EFEMP1: variants seen among roughly 807,000 people sequenced by gnomAD.
EFEMP1 encodes the protein EGF-containing fibulin-like extracellular matrix protein 1.
A neutral mutation model predicts 65.7 loss-of-function variants in EFEMP1; 18 were observed. That is an observed-to-expected ratio of 0.27 (90% CI 0.19 to 0.41). EFEMP1 has a LOEUF of 0.41. EFEMP1 is among the 10% of genes least tolerant of loss of function. The probability of loss-of-function intolerance (pLI) is 1.00; values close to 1 mark genes in which losing one functional copy is unlikely to be tolerated. For missense variants in EFEMP1, 469 were observed against 624.8 expected (o/e 0.75, Z 2.66); for synonymous variants, 237 against 219.7 (o/e 1.08, Z -0.70).
Position 55,917,932 on chromosome 2 carries a change from G to T in EFEMP1, c.250C>A (p.Pro84Thr). The T allele has an allele frequency of 6.2e-7, 1 of 1,614,202 alleles. No individual in the cohort carries two copies. The highest frequency in any genetic ancestry group is 8.5e-7 in the Non-Finnish European group (1 of 1,180,052). The change falls in exon 5 of 12, where the codon CCT becomes ACT. Residue 84 changes from proline (P) to threonine (T), a missense_variant. Pro to Thr is a conservative substitution (Grantham distance 38, BLOSUM62 -1). Transcript: ENST00000355426. The surrounding 1 kb of genome is among the most constrained non-coding windows in gnomAD (Gnocchi z 6.3). ...TCTGCTGGTTGTGTTTCCTGCTGAG[G>T]CTGTTCATTATTGACAATAATCTGG... is the stretch of plus-strand genomic sequence containing the variant. ...TAQIIVNNEQ[P>T]QQETQPAEGT...
chr2:55,897,352 C>T (rs1033130662), intron 5 of EFEMP1, among the ~76,000 whole-genome samples: 3 of 151,472 alleles, frequency 2.0e-5, no homozygotes, highest in African/African-American at 7.3e-5. Context: ...AAAGCAATAT[C>T]AATTTTTCCC....
intron 9 of EFEMP1, 123 bp downstream of exon 9, chr2:55,874,823 A>C: frequency 9.5e-7 from 1 of 1,056,020 alleles, no homozygotes; most frequent in Non-Finnish European, 1.3e-6. Context: ...AGGGGAAAAA[A>C]GAGCTTAAAT....
chr2:55,893,020 T>G lies in EFEMP1; in HGVS notation c.518-11286A>C, dbSNP rs149064475. ...ATTATTTTTTCCCCTAGAAATGTAA[T>G]AATTTGTTTATAGAAACTTTTAAGT... On this transcript the variant is annotated intron_variant, in intron 5 of 11. Transcript: ENST00000355426. Among the ~76,000 whole-genome samples, 52 of 152,296 alleles carry G rather than the reference T, an allele frequency of 3.4e-4. 1 individual carries two copies. In the East Asian group the frequency reaches 5.4e-3, roughly 16 times the overall value.
At chr2:55,909,778 C>T (rs1670413666) in intron 5 of EFEMP1, among the ~76,000 whole-genome samples, 1 of 152,190 alleles carries the variant, frequency 6.6e-6, no homozygotes, top group South Asian at 2.1e-4. Flanking sequence ...TCATTATGTA[C>T]TTCCAGTGAT....
Position 55,871,201 on chromosome 2 carries a change from C to G in EFEMP1, c.1001-78G>C. The G allele has an allele frequency of 1.9e-6, 3 of 1,599,712 alleles. No individual in the cohort carries two copies. The highest frequency in any genetic ancestry group is 2.6e-6 in the Non-Finnish European group (3 of 1,173,500). On this transcript the variant is annotated intron_variant, in intron 9 of 11. Transcript: ENST00000355426. The surrounding 1 kb of genome is among the most constrained non-coding windows in gnomAD (Gnocchi z 4.2). ...AATTAAATCATATAACTGGCAGATTCTGTTTGCAAGGAAGGAGGTGTGAGA... is the reference window on the plus strand; with the variant it reads ...AATTAAATCATATAACTGGCAGATTGTGTTTGCAAGGAAGGAGGTGTGAGA...
rs781239397 is a variant in EFEMP1 at position 55,917,615 on chromosome 2, G to C, written c.517+50C>G. 4 of 1,612,428 alleles carry C rather than the reference G, an allele frequency of 2.5e-6. No individual in the cohort carries two copies. The highest frequency in any genetic ancestry group is 3.4e-6 in the Non-Finnish European group (4 of 1,178,580). Reference sequence around the variant, plus strand: ...AAATTATCATCATCCTCACCACGAGGTGCACTTGGGCAAAAGCTTTCAATG... The same window carrying C: ...AAATTATCATCATCCTCACCACGAGCTGCACTTGGGCAAAAGCTTTCAATG... On this transcript the variant is annotated intron_variant, in intron 5 of 11. Transcript: ENST00000355426. The surrounding 1 kb of genome is among the most constrained non-coding windows in gnomAD (Gnocchi z 6.3).
chr2:55,912,805 T>G lies in EFEMP1; in HGVS notation c.517+4860A>C, dbSNP rs373917590. On this transcript the variant is annotated intron_variant, in intron 5 of 11. Transcript: ENST00000355426. ...TAAAAATTTTAGCAAACTGAAAAAT[T>G]TATAGGTGAAACATAGTATTTAATT... Among the ~76,000 whole-genome samples, 192 of 152,212 alleles carry G rather than the reference T, an allele frequency of 1.3e-3. 4 individuals are homozygous for G. The South Asian group carries it at 0.037, about 30-fold the overall frequency.
chr2:55,870,719 C>T lies in EFEMP1; in HGVS notation c.1320+1G>A, dbSNP rs1668773026. On this transcript the variant is annotated splice_donor_variant, in intron 11 of 11. Transcript: ENST00000355426. LOFTEE classifies it high-confidence loss of function. The surrounding 1 kb of genome is among the most constrained non-coding windows in gnomAD (Gnocchi z 5.8). ...GTTAAGGCTGCCTTCAGGATACTTA[C>T]TCGTAGGTAGAACTCTCCATTTTCA... 2 of 1,613,414 alleles carry T rather than the reference C, an allele frequency of 1.2e-6. No individual in the cohort carries two copies. Among genetic ancestry groups the T allele is most frequent in the Non-Finnish European group, 1.7e-6 (2 of 1,179,602 alleles).
At chr2:55,914,227 T>G (rs1005512035) in intron 5 of EFEMP1, among the ~76,000 whole-genome samples, 15 of 152,188 alleles carry the variant, frequency 9.9e-5, no homozygotes, top group African/African-American at 3.6e-4. Flanking sequence ...CTTCATTTTA[T>G]AGATGCCAAG....
rs1383342414 is a variant in EFEMP1 at position 55,921,230 on chromosome 2, A to G, written c.81+1130T>C. Among the ~76,000 whole-genome samples, 1 of 152,242 alleles carries G rather than the reference A, an allele frequency of 6.6e-6. No individual in the cohort carries two copies. The highest frequency in any genetic ancestry group is 1.5e-5 in the Non-Finnish European group (1 of 68,042). The stretch of plus-strand genomic sequence containing the variant: ...TGCCTTCATTTTTCTTGCTTAATTT[A>G]TCTTCAGCAGAGGAAGCAACTGCAT... On this transcript the variant is annotated intron_variant, in intron 3 of 11. Transcript: ENST00000355426. This position sits in a 1 kb window ranked among gnomAD's most constrained non-coding sequence, Gnocchi z 4.1.
chr2:55,894,192 A>G (rs764113482), intron 5 of EFEMP1, among the ~76,000 whole-genome samples: 2 of 152,176 alleles, frequency 1.3e-5, no homozygotes, highest in East Asian at 1.9e-4. Flanking sequence ...TAGAACCTAC[A>G]TGTAATTCTG....
At chr2:55,875,333 TATACACACACACACAC>T (rs1260368420) in intron 8 of EFEMP1, among the ~76,000 whole-genome samples, 12 of 126,880 alleles carry the variant, frequency 9.5e-5, no homozygotes, top group Non-Finnish European at 2.0e-4. Context: ...GGGTTTCATA[TATACACACACACACAC>T]ACACACACAC....
chr2:55,887,635 A>G (rs1286089153), intron 5 of EFEMP1, among the ~76,000 whole-genome samples: 1 of 152,242 alleles, frequency 6.6e-6, no homozygotes, highest in Non-Finnish European at 1.5e-5. Flanking sequence ...AATATTAAGT[A>G]ACAAGAGAGA....
intron 5 of EFEMP1, among the ~76,000 whole-genome samples, chr2:55,896,783 T>G (rs568936929): frequency 6.6e-6 from 1 of 152,354 alleles, no homozygotes; most frequent in South Asian, 2.1e-4. Flanking sequence ...TACACAAGTT[T>G]CAGACTGATA....
rs138488669 is a variant in EFEMP1, at chr2:55,888,693, C to A, written c.518-6959G>T. Among the ~76,000 whole-genome samples the A allele has an allele frequency of 2.2e-3, 331 of 152,224 alleles. 1 individual carries two copies. The highest frequency in any genetic ancestry group is 7.7e-3 in the African/African-American group (321 of 41,536). On this transcript the variant is annotated intron_variant, in intron 5 of 11. Transcript: ENST00000355426. ...GATATTTGGGATATTAACAACCATTCATCAGTCTGCTACCTTGTGGAGGTA... is the reference window on the plus strand; with the variant it reads ...GATATTTGGGATATTAACAACCATTAATCAGTCTGCTACCTTGTGGAGGTA...
intron 5 of EFEMP1, among the ~76,000 whole-genome samples, chr2:55,882,562 G>A (rs535931186): frequency 1.4e-3 from 217 of 152,180 alleles, no homozygotes; most frequent in African/African-American, 4.8e-3. Context: ...ATTTGTGTGT[G>A]TACATTCATA....
rs1668596243 is a variant in EFEMP1 at position 55,866,869 on chromosome 2, A to G, written c.*204T>C. The G allele has an allele frequency of 6.5e-6, 4 of 612,860 alleles. No homozygotes were observed. The highest frequency in any genetic ancestry group is 5.6e-5 in the African/African-American group (3 of 54,012). The allele number at this position is 612,860 out of a possible 1,614,324, so 38.0% of individuals were successfully genotyped here. On this transcript the variant is annotated 3_prime_UTR_variant, in exon 12 of 12. Transcript: ENST00000355426. ...AGACCAGTTTAGTGGATTAATGTCTAATTTACATATAGTAATAAAGACAAA... is the reference window on the plus strand; with the variant it reads ...AGACCAGTTTAGTGGATTAATGTCTGATTTACATATAGTAATAAAGACAAA...
chr2:55,910,164 G>A (rs1670429427), intron 5 of EFEMP1, among the ~76,000 whole-genome samples: 1 of 152,142 alleles, frequency 6.6e-6, no homozygotes, highest in Admixed American at 6.5e-5. Context: ...TATGCTAACA[G>A]CTCAGCATTC....
At chr2:55,874,294 A>ACATG (rs1668936883) in intron 9 of EFEMP1, among the ~76,000 whole-genome samples, 1 of 150,042 alleles carries the variant, frequency 6.7e-6, no homozygotes, top group South Asian at 2.1e-4. Flanking sequence ...ATTTTCAACT[A>ACATG]CATGCAACAT....
Sources: gnomAD v4.1 joint callset for allele counts (sites outside exome capture counted in the v4.1 genomes callset) on GRCh38, gnomAD v4.1.1 for gene constraint, Gnocchi (gnomAD v3.1) non-coding constraint, MANE v1.5 for transcripts, NCBI Gene and HGNC (gene_info 2026-07-23, HGNC 2026-07-21) for gene names.